Variants in CLVS1 observed in about 807,000 individuals in gnomAD.
The protein encoded by CLVS1 is clavesin-1.
Under a neutral mutation model 33.1 loss-of-function variants are expected in CLVS1, and 10 were observed. The observed-to-expected ratio is 0.30, with a 90% confidence interval of 0.19 to 0.51. The LOEUF (loss-of-function observed/expected upper bound fraction) is 0.51, where lower values mean the gene tolerates loss of function less well. Ranked by LOEUF, CLVS1 falls within the 20% of genes least tolerant of loss-of-function variation. The pLI, the probability that CLVS1 is intolerant of heterozygous loss-of-function variation, is 0.97. For missense variants in CLVS1, 343 were observed against 433.4 expected, an observed-to-expected ratio of 0.79 and a Z score of 1.85; for synonymous variants, 163 against 166.1, an observed-to-expected ratio of 0.98 and a Z score of 0.14.
intron 3 of CLVS1, among the ~76,000 whole-genome samples, chr8:61,415,982 A>C (rs985953876): frequency 6.6e-6 from 1 of 152,078 alleles, no homozygotes; most frequent in African/African-American, 2.4e-5. Flanking sequence ...CCTCTGTAAC[A>C]CTCATCCAAA....
Position 61,323,193 on chromosome 8 carries a change from T to C in CLVS1, c.455+22911T>C, listed in dbSNP as rs1430703494. On this transcript the variant is annotated intron_variant, in intron 2 of 5. Transcript: ENST00000325897. ...GTGTCATTTAAGTACTGAGCTCAGC[T>C]GGAATAGGTGGGATGGCCAGGCTTC... is the stretch of plus-strand genomic sequence containing the variant. Among the ~76,000 whole-genome samples, 5 of 152,138 alleles carry C rather than the reference T, an allele frequency of 3.3e-5. No individual in the cohort carries two copies. The East Asian group carries it at 9.6e-4, about 29-fold the overall frequency.
intron 1 of CLVS1, among the ~76,000 whole-genome samples, chr8:61,099,387 CT>C (rs946784440): frequency 6.6e-6 from 1 of 151,402 alleles, no homozygotes; most frequent in Non-Finnish European, 1.5e-5. Context: ...GGACCTTTGT[CT>C]TTTTTTTAAT....
chr8:61,419,861 C>G (rs1257857646), intron 3 of CLVS1, among the ~76,000 whole-genome samples: 1 of 152,156 alleles, frequency 6.6e-6, no homozygotes, highest in Non-Finnish European at 1.5e-5. Context: ...TCCAAAGGGT[C>G]CAAGACTGAC....
At chr8:61,243,024 G>T (rs552427703) in intron 2 of CLVS1, among the ~76,000 whole-genome samples, 1 of 152,134 alleles carries the variant, frequency 6.6e-6, no homozygotes, top group Non-Finnish European at 1.5e-5. Flanking sequence ...CTCATGTGGA[G>T]AAATTTTGAA....
chr8:61,400,466 T>A (rs769202418), intron 3 of CLVS1, among the ~76,000 whole-genome samples: 2 of 152,228 alleles, frequency 1.3e-5, no homozygotes, highest in Non-Finnish European at 2.9e-5. Flanking sequence ...TATAAGATTA[T>A]GTCATCTTCA....
At chr8:61,000,554 ATTTGTTTGGGC>A in the CLVS1 span, among the ~76,000 whole-genome samples, 1 of 152,230 alleles carries the variant, frequency 6.6e-6, no homozygotes, top group African/African-American at 2.4e-5. Flanking sequence ...GCATGAAACC[ATTTGTTTGGGC>A]TTTATAGATT....
intron 5 of CLVS1, among the ~76,000 whole-genome samples, chr8:61,459,735 A>T (rs919907457): frequency 6.6e-6 from 1 of 152,168 alleles, no homozygotes. Flanking sequence ...ATACATCTAT[A>T]CACACCCATA....
the CLVS1 span, among the ~76,000 whole-genome samples, chr8:60,990,713 G>GTTT: frequency 7.1e-6 from 1 of 141,794 alleles, no homozygotes; most frequent in African/African-American, 2.6e-5. Flanking sequence ...GGTTTTTTTT[G>GTTT]TTTTTTTTTT....
At chr8:61,405,312 T>G (rs1814943432) in intron 3 of CLVS1, among the ~76,000 whole-genome samples, 1 of 152,202 alleles carries the variant, frequency 6.6e-6, no homozygotes, top group Non-Finnish European at 1.5e-5. Flanking sequence ...TAGTTTGCCC[T>G]TTAGTCATTC....
At chr8:60,976,922 TG>T in the CLVS1 span, among the ~76,000 whole-genome samples, 1 of 152,232 alleles carries the variant, frequency 6.6e-6, no homozygotes, top group South Asian at 2.1e-4. Flanking sequence ...GCACAGAGGT[TG>T]GCCATTGTTT....
intron 2 of CLVS1, among the ~76,000 whole-genome samples, chr8:61,224,325 G>T (rs1585703056): frequency 1.3e-5 from 2 of 152,204 alleles, no homozygotes; most frequent in South Asian, 4.1e-4. Context: ...TGGTCTTTGA[G>T]ACTGCTGACT....
intron 3 of CLVS1, among the ~76,000 whole-genome samples, chr8:61,440,279 G>T (rs1816491634): frequency 6.6e-6 from 1 of 152,194 alleles, no homozygotes; most frequent in Non-Finnish European, 1.5e-5. Context: ...CATTACATGA[G>T]ACAACACATA....
intron 2 of CLVS1, among the ~76,000 whole-genome samples, chr8:61,250,299 C>G (rs1238874329): frequency 1.3e-5 from 2 of 152,134 alleles, no homozygotes; most frequent in Admixed American, 1.3e-4. Flanking sequence ...GTATCAGTAC[C>G]ATGCTGTTTT....
chr8:61,308,502 T>C (rs1810712131), intron 2 of CLVS1, among the ~76,000 whole-genome samples: 1 of 152,134 alleles, frequency 6.6e-6, no homozygotes, highest in Non-Finnish European at 1.5e-5. Flanking sequence ...AGTCTGGGCT[T>C]AGTGCTTCTT....
intron 2 of CLVS1, among the ~76,000 whole-genome samples, chr8:61,133,931 G>C (rs542819647): frequency 2.6e-5 from 4 of 152,246 alleles, no homozygotes; most frequent in South Asian, 4.1e-4. Context: ...CCAGGGTAAG[G>C]TATATAGGAG....
intron 1 of CLVS1, among the ~76,000 whole-genome samples, chr8:61,290,665 C>A (rs922727732): frequency 6.6e-6 from 1 of 152,208 alleles, no homozygotes; most frequent in Non-Finnish European, 1.5e-5. Flanking sequence ...ATAGCAGAGA[C>A]TTCCATCCTT....
intron 2 of CLVS1, among the ~76,000 whole-genome samples, chr8:61,180,029 C>CA (rs566859131): frequency 6.6e-6 from 1 of 151,750 alleles, no homozygotes; most frequent in African/African-American, 2.4e-5. Context: ...AGAAACCCTC[C>CA]AAAAAATCAA....
chr8:61,388,965 T>G (rs1391944873), intron 3 of CLVS1, among the ~76,000 whole-genome samples: 2 of 152,188 alleles, frequency 1.3e-5, no homozygotes, highest in African/African-American at 4.8e-5. Flanking sequence ...CTGTTCTACT[T>G]TTTCCTTCTA....
chr8:61,094,420 G>C (rs772162069), intron 1 of CLVS1, among the ~76,000 whole-genome samples: 5 of 152,126 alleles, frequency 3.3e-5, no homozygotes, highest in Non-Finnish European at 5.9e-5. Context: ...TGAATGCTTC[G>C]TGACATTGTA....
Sources: allele counts gnomAD v4.1 joint callset (sites outside exome capture counted in the v4.1 genomes callset), GRCh38; gene constraint gnomAD v4.1.1; transcripts MANE v1.5; gene names NCBI Gene and HGNC (gene_info 2026-07-23, HGNC 2026-07-21).